Variants in B3GALNT2 observed in about 807,000 individuals in gnomAD.
The protein encoded by B3GALNT2 is UDP-GalNAc:beta-1,3-N-acetylgalactosaminyltransferase 2.
In B3GALNT2, 53 loss-of-function variants were observed where a neutral mutation model predicts 61.1. The observed-to-expected ratio is 0.87, with a 90% CI of 0.70 to 1.09. The LOEUF is 1.09. B3GALNT2 is among the 50% of genes least tolerant of loss of function. The pLI is 0.00. For missense variants in B3GALNT2, 544 were observed against 623.0 expected (o/e 0.87, Z 1.35); for synonymous variants, 223 against 237.4 (o/e 0.94, Z 0.56).
At chr1:235,463,653 G>C (rs1683542201) in intron 7 of B3GALNT2, 1 of 141,180 alleles carries the variant, frequency 7.1e-6, no homozygotes, top group Admixed American at 7.8e-5. Context: ...TGCAACCTCT[G>C]CCTCCCAGGT....
At chr1:235,458,482 CAAG>C in intron 8 of B3GALNT2, 118 bp downstream of exon 8, 1 of 1,338,602 alleles carries the variant, frequency 7.5e-7, no homozygotes, top group Non-Finnish European at 9.7e-7. Flanking sequence ...CTCAGGAGTT[CAAG>C]ACCAGCCTAG....
chr1:235,474,969 A>ATTTTTTTTT, intron 5 of B3GALNT2, among the ~76,000 whole-genome samples: 1 of 28,778 alleles, frequency 3.5e-5, no homozygotes, highest in South Asian at 1.2e-3. Context: ...ATATATATAT[A>ATTTTTTTTT]TATATATATA....
chr1:235,495,772 G>A (rs1437625746), intron 1 of B3GALNT2, among the ~76,000 whole-genome samples: 5 of 152,088 alleles, frequency 3.3e-5, no homozygotes, highest in Non-Finnish European at 7.4e-5. Context: ...GGTGGGAACT[G>A]ATCCAAAACG....
chr1:235,470,814 A>C (rs954922299), intron 6 of B3GALNT2, 36 bp downstream of exon 6: 1 of 1,600,920 alleles, frequency 6.2e-7, no homozygotes, highest in Admixed American at 1.8e-5. Context: ...AAAGAAGCTA[A>C]AATATGCAAT....
At chr1:235,476,263 T>A (rs1216941300) in intron 5 of B3GALNT2, among the ~76,000 whole-genome samples, 1 of 151,904 alleles carries the variant, frequency 6.6e-6, no homozygotes, top group Non-Finnish European at 1.5e-5. Flanking sequence ...TACAAAAAAT[T>A]AGCCAGGCGT....
rs764539439 is a variant in B3GALNT2 at position 235,484,358 on chromosome 1, C to T, written c.519G>A (p.Arg173=). The T allele has an allele frequency of 4.3e-6, 7 of 1,614,018 alleles. No homozygotes were observed. In the Admixed American group the frequency reaches 1.2e-4, roughly 27 times the overall value. The change falls in exon 4 of 12, where the codon AGG becomes AGA. Residue 173 remains arginine, a synonymous_variant. Transcript: ENST00000366600. ...FYDANDVGFQ[R]NITVKLYQAE... ...CCTGATAAAGTTTGACAGTGATGTT[C>T]CTCTGGAAACCCACATCATTGGCAT... is the stretch of plus-strand genomic sequence containing the variant.
At chr1:235,498,781 T>A (rs1475080724) in intron 1 of B3GALNT2, among the ~76,000 whole-genome samples, 1 of 134,170 alleles carries the variant, frequency 7.5e-6, no homozygotes, top group South Asian at 2.4e-4. Context: ...GAGGCAGAGG[T>A]TGCAGTCAGC....
At position 235,454,203 on chromosome 1, in the gene B3GALNT2, T is replaced by C. The variant is rs766659361; in HGVS notation, c.1264A>G (p.Ile422Val). ...GAGTTGCTTGCCAGCCACTTGACGATGTCCTTGGAGATCACATATCCTGAC... is the reference window on the plus strand; with the variant it reads ...GAGTTGCTTGCCAGCCACTTGACGACGTCCTTGGAGATCACATATCCTGAC... ...CGSGYVISKD[I>V]VKWLASNSGR... The change falls in exon 10 of 12, where the codon ATC becomes GTC. Residue 422 changes from isoleucine (I) to valine (V), a missense_variant. Ile to Val is a conservative substitution (Grantham distance 29, BLOSUM62 3). Transcript: ENST00000366600. The C allele has an allele frequency of 2.5e-6, 4 of 1,613,076 alleles. No individual in the cohort carries two copies. The highest frequency in any genetic ancestry group is 3.4e-6 in the Non-Finnish European group (4 of 1,179,550).
At chr1:235,478,791 G>A in intron 5 of B3GALNT2, 1 of 152,158 alleles carries the variant, frequency 6.6e-6, no homozygotes, top group East Asian at 1.9e-4. Context: ...TAGAATGAAC[G>A]GCATAATCCT....
rs942017643 is a variant in B3GALNT2, at chr1:235,504,394, C to A, written c.-142G>T. 2.7e-5 allele frequency: 23 copies of A among 854,020 alleles called. No individual in the cohort carries two copies. Among genetic ancestry groups the A allele is most frequent in the African/African-American group, 1.3e-4 (7 of 55,100 alleles). 52.9% of individuals were successfully genotyped at this position (854,020 alleles called of 1,614,324 possible). A position where few individuals can be genotyped will look rare whatever the true frequency, so the allele number is the denominator to read the frequency against. On this transcript the variant is annotated 5_prime_UTR_variant, in exon 1 of 12. Transcript: ENST00000366600. ...CTCGCGCTCGGCGACGTCTGGGGGG[C>A]TCCTCGCAGCTCCCGGCCCCGCTCC...
Position 235,450,190 on chromosome 1 carries a change from C to CTAA in B3GALNT2, c.*13_*15dup, listed in dbSNP as rs1259125024. On this transcript the variant is annotated 3_prime_UTR_variant, in exon 12 of 12. Coordinates refer to ENST00000366600, the MANE Select transcript of B3GALNT2 (RefSeq NM_152490.5). ...TTGCCTGCCCTGATTTTAGACTCTG[C>CTAA]TAATTCAAGTCCCTGTTATCTTGCT... 2 of 1,613,916 alleles carry CTAA rather than the reference C, an allele frequency of 1.2e-6. No individual in the cohort carries two copies. Among genetic ancestry groups the CTAA allele is most frequent in the Admixed American group, 3.3e-5 (2 of 59,980 alleles).
chr1:235,444,545 A>G (rs2102944006), downstream of B3GALNT2, among the ~76,000 whole-genome samples: 1 of 152,256 alleles, frequency 6.6e-6, no homozygotes, highest in African/African-American at 2.4e-5. Flanking sequence ...CTGGGACTAT[A>G]GGCACGAACC....
chr1:235,468,533 A>G (rs1285137815), intron 6 of B3GALNT2, among the ~76,000 whole-genome samples: 1 of 143,064 alleles, frequency 7.0e-6, no homozygotes, highest in African/African-American at 2.7e-5. Context: ...GCTCACTGCA[A>G]CCTCCACCTC....
chr1:235,503,353 A>ATTGTT (rs1254081049), intron 1 of B3GALNT2, among the ~76,000 whole-genome samples: 1 of 152,272 alleles, frequency 6.6e-6, no homozygotes, highest in Non-Finnish European at 1.5e-5. Flanking sequence ...AGGGTGGTGG[A>ATTGTT]ACCCACTAAC....
At chr1:235,465,848 G>A in intron 6 of B3GALNT2, 134 bp from the exon 7 acceptor site, 1 of 975,938 alleles carries the variant, frequency 1.0e-6, no homozygotes. Context: ...TGGTGCACTG[G>A]AGGCTTATAA....
intron 10 of B3GALNT2, 132 bp from the exon 11 acceptor site, chr1:235,453,278 G>A (rs1339293561): frequency 7.1e-6 from 6 of 841,324 alleles, no homozygotes; most frequent in Middle Eastern, 2.8e-4. Context: ...ATATGAAATA[G>A]CAAAAATGGG....
downstream of B3GALNT2, among the ~76,000 whole-genome samples, chr1:235,446,972 A>G (rs1443680546): frequency 6.6e-6 from 1 of 152,174 alleles, no homozygotes; most frequent in East Asian, 1.9e-4. Flanking sequence ...GGCCAGGCAG[A>G]TTTCTTATTA....
At chr1:235,444,214 C>T (rs1316230474), downstream of B3GALNT2, among the ~76,000 whole-genome samples, 3 of 152,168 alleles carry the variant, frequency 2.0e-5, no homozygotes, top group African/African-American at 7.2e-5. Context: ...ATTTAATTTA[C>T]CACAACGTCT....
At chr1:235,497,677 T>A (rs1174753305) in intron 1 of B3GALNT2, among the ~76,000 whole-genome samples, 1 of 152,250 alleles carries the variant, frequency 6.6e-6, no homozygotes, top group Non-Finnish European at 1.5e-5. Flanking sequence ...TGTCTCAAAA[T>A]CTTCATGAAA....
Sources: allele counts gnomAD v4.1 joint callset (sites outside exome capture counted in the v4.1 genomes callset), GRCh38; gene constraint gnomAD v4.1.1; transcripts MANE v1.5; gene names NCBI Gene and HGNC (gene_info 2026-07-23, HGNC 2026-07-21).